The following MRC1 variants were observed in gnomAD, a reference collection of about 807,000 sequenced individuals.
MRC1 encodes macrophage mannose receptor 1.
In MRC1, 62 loss-of-function variants were observed where a neutral mutation model predicts 102.9. That is an observed-to-expected ratio of 0.60 (90% CI 0.49 to 0.74). The LOEUF is 0.74. MRC1 is among the 30% of genes least tolerant of loss of function. The pLI is 0.00. For synonymous variants in MRC1, 457 were observed against 298.4 expected (o/e 1.53, Z -5.48); for missense variants, 1,237 against 862.8 (o/e 1.43, Z -5.43).
At chr10:17,839,836 A>G (rs984047500) in intron 4 of MRC1, among the ~76,000 whole-genome samples, 1,528 of 151,890 alleles carry the variant, frequency 0.01, 39 homozygotes, top group African/African-American at 0.033. Context: ...AGGTGGGCGG[A>G]TCACCTGAGG....
intron 1 of MRC1, among the ~76,000 whole-genome samples, chr10:17,814,653 C>A (rs943203114): frequency 6.7e-6 from 1 of 150,310 alleles, no homozygotes; most frequent in Non-Finnish European, 1.5e-5. Context: ...CCTGCAGTTC[C>A]GTGTTCTCGG....
intron 1 of MRC1, among the ~76,000 whole-genome samples, chr10:17,811,032 A>T (rs2130565311): frequency 6.6e-6 from 1 of 152,314 alleles, no homozygotes; most frequent in East Asian, 1.9e-4. Context: ...ACCTCAAGTG[A>T]TCTGCCCTCC....
intron 16 of MRC1, among the ~76,000 whole-genome samples, chr10:17,874,343 G>A (rs928936621): frequency 2.6e-5 from 4 of 152,068 alleles, no homozygotes; most frequent in Non-Finnish European, 5.9e-5. Context: ...CAGCAATGTA[G>A]CATCTTCTTC....
chr10:17,825,825 C>T (rs1221895318), intron 2 of MRC1, among the ~76,000 whole-genome samples: 6 of 152,172 alleles, frequency 3.9e-5, no homozygotes, highest in African/African-American at 1.4e-4. Context: ...GTACAACTAA[C>T]CCCAAGGTGG....
chr10:17,824,957 C>G (rs1315802489), intron 2 of MRC1, among the ~76,000 whole-genome samples: 1 of 152,052 alleles, frequency 6.6e-6, no homozygotes, highest in Non-Finnish European at 1.5e-5. Flanking sequence ...TCCTAAGCTC[C>G]CCCTTCTACT....
At chr10:17,857,183 C>T (rs1387314042) in intron 9 of MRC1, among the ~76,000 whole-genome samples, 2 of 152,142 alleles carry the variant, frequency 1.3e-5, no homozygotes, top group Non-Finnish European at 2.9e-5. Context: ...GGAAGAGTCA[C>T]AAAGGACCTG....
chr10:17,835,370 G>A (rs1554839377), intron 4 of MRC1, among the ~76,000 whole-genome samples: 1 of 152,060 alleles, frequency 6.6e-6, no homozygotes, highest in Non-Finnish European at 1.5e-5. Flanking sequence ...GTACCCATGT[G>A]CCAGGCTTTG....
chr10:17,886,283 T>TCTTCCTTCCTTCCTTCCTTC (rs537058208), intron 22 of MRC1, among the ~76,000 whole-genome samples: 6 of 144,782 alleles, frequency 4.1e-5, no homozygotes, highest in African/African-American at 1.1e-4. Context: ...ATGGGTGTTT[T>TCTTCCTTCCTTCCTTCCTTC]CTTCCTTCCT....
chr10:17,823,169 G>GCCGAATCACAGAAATT lies in MRC1; in HGVS notation c.162_177dup (p.Trp60IlefsTer18). On this transcript the variant is annotated frameshift_variant, in exon 2 of 30. Transcript: ENST00000569591. LOFTEE classifies it high-confidence loss of function. ...CCAAACCGCAGCTTGCAACCAGGAT[G>GCCGAATCACAGAAATT]CCGAATCACAGAAATTCCGATGGGT... is the stretch of plus-strand genomic sequence containing the variant. The GCCGAATCACAGAAATT allele has an allele frequency of 1.3e-6, 1 of 780,862 alleles. No homozygotes were observed. Among genetic ancestry groups the GCCGAATCACAGAAATT allele is most frequent in the Non-Finnish European group, 2.4e-6 (1 of 417,962 alleles). The allele number at this position is 780,862 out of a possible 1,614,324, so 48.4% of individuals were successfully genotyped here.
intron 26 of MRC1, among the ~76,000 whole-genome samples, chr10:17,904,135 A>AAT (rs1833866482): frequency 6.6e-6 from 1 of 152,230 alleles, no homozygotes; most frequent in Non-Finnish European, 1.5e-5. Flanking sequence ...ATTGTTTTAC[A>AAT]CAGTTATCTT....
chr10:17,816,663 T>TA (rs1838318038), intron 1 of MRC1, among the ~76,000 whole-genome samples: 1 of 152,210 alleles, frequency 6.6e-6, no homozygotes, highest in Non-Finnish European at 1.5e-5. Context: ...TGCATGCACC[T>TA]AAACAGCGAA....
chr10:17,879,671 A>G, intron 18 of MRC1, 50 bp from the exon 19 acceptor site: 2 of 780,800 alleles, frequency 2.6e-6, no homozygotes, highest in Non-Finnish European at 4.8e-6. Flanking sequence ...CCTGTATCCA[A>G]TTAGTCTAAT....
At position 17,910,315 on chromosome 10, in the gene MRC1, C is replaced by G. The variant is rs1449410266; in HGVS notation, c.4221C>G (p.Ala1407=). The change falls in exon 30 of 30, where the codon GCC becomes GCG. Residue 1407 remains alanine (A), a synonymous_variant. Transcript: ENST00000569591. The stretch of plus-strand genomic sequence containing the variant: ...TTTTAACGGGTGCTGGCCTTGCCGC[C>G]TATTTCTTTTATAAGAAAAGACGTG... ...LLILTGAGLA[A]YFFYKKRRVH... 26 of 780,666 alleles carry G rather than the reference C, an allele frequency of 3.3e-5. No individual in the cohort carries two copies. The highest frequency in any genetic ancestry group is 6.2e-5 in the Non-Finnish European group (26 of 417,964). 48.4% of individuals were successfully genotyped at this position (780,666 alleles called of 1,614,324 possible).
chr10:17,878,383 A>G (rs1833465902), intron 18 of MRC1, among the ~76,000 whole-genome samples: 1 of 152,206 alleles, frequency 6.6e-6, no homozygotes, highest in East Asian at 1.9e-4. Flanking sequence ...TGTTAGCAGC[A>G]CTATTTTGAA....
Position 17,833,797 on chromosome 10 carries a change from C to A in MRC1, c.760C>A (p.Leu254Ile), listed in dbSNP as rs782450598. 2.6e-6 allele frequency: 2 copies of A among 780,992 alleles called. No homozygotes were observed. The highest frequency in any genetic ancestry group is 1.7e-5 in the African/African-American group (1 of 59,158). 48.4% of individuals were successfully genotyped at this position (780,992 alleles called of 1,614,324 possible). A position where few individuals can be genotyped will look rare whatever the true frequency, so the allele number is the denominator to read the frequency against. Residue 254 changes from leucine (L) to isoleucine (I), a missense_variant, in exon 4 of 30, where the codon CTC becomes ATC. By Grantham distance (5) the Leu-to-Ile change is conservative (BLOSUM62 2). Coordinates refer to ENST00000569591, the MANE Select transcript of MRC1 (RefSeq NM_002438.4). ...RKSCQQQNAE[L>I]LSITEIHEQT... ...AAGCTGCCAACAACAGAACGCTGAGCTCCTGAGCATCACAGAGATTCATGA... is the reference window on the plus strand; with the variant it reads ...AAGCTGCCAACAACAGAACGCTGAGATCCTGAGCATCACAGAGATTCATGA...
intron 1 of MRC1, among the ~76,000 whole-genome samples, chr10:17,814,813 C>T (rs1377315453): frequency 6.6e-6 from 1 of 150,872 alleles, no homozygotes; most frequent in East Asian, 2.0e-4. Flanking sequence ...TATAGGCGTG[C>T]ACCACCCTGC....
intron 14 of MRC1, among the ~76,000 whole-genome samples, chr10:17,871,549 A>G (rs1833354808): frequency 6.6e-6 from 1 of 152,180 alleles, no homozygotes; most frequent in South Asian, 2.1e-4. Context: ...CTTTTGCAAG[A>G]AGAATAAATT....
intron 21 of MRC1, among the ~76,000 whole-genome samples, chr10:17,883,461 G>A (rs1194624872): frequency 6.6e-6 from 1 of 151,770 alleles, no homozygotes; most frequent in African/African-American, 2.4e-5. Flanking sequence ...TCTGAAAAAC[G>A]GTGGAAGAGT....
chr10:17,891,956 T>C (rs1258293266), intron 22 of MRC1, among the ~76,000 whole-genome samples: 1 of 152,198 alleles, frequency 6.6e-6, no homozygotes, highest in Non-Finnish European at 1.5e-5. Flanking sequence ...TGCTGTGACC[T>C]TCGAAAGTGC....
Sources: gnomAD v4.1 joint callset for allele counts (sites outside exome capture counted in the v4.1 genomes callset) on GRCh38, gnomAD v4.1.1 for gene constraint, MANE v1.5 for transcripts, NCBI Gene and HGNC (gene_info 2026-07-23, HGNC 2026-07-21) for gene names.